The following KDM3B variants were observed in gnomAD, a reference collection of about 807,000 sequenced individuals.
KDM3B encodes lysine demethylase 3B.
Under a neutral mutation model 170.0 loss-of-function variants are expected in KDM3B, and 10 were observed. The ratio of observed to expected loss-of-function variants is 0.06; its 90% CI spans 0.04 to 0.10. KDM3B has a LOEUF of 0.10. KDM3B is among the 10% of genes least tolerant of loss of function. The pLI, the probability that KDM3B is intolerant of heterozygous loss-of-function variation, is 1.00. For synonymous variants in KDM3B, 831 were observed against 834.8 expected (o/e 1.00, Z 0.08); for missense variants, 1,394 against 2,195.2 (o/e 0.64, Z 7.29).
At chr5:138,415,514 T>C (rs1322809290) in intron 12 of KDM3B, among the ~76,000 whole-genome samples, 1 of 152,146 alleles carries the variant, frequency 6.6e-6, no homozygotes, top group Non-Finnish European at 1.5e-5. Context: ...CATAGCTTAC[T>C]GCAGCCTTGA....
chr5:138,364,995 A>G (rs1761709429), intron 1 of KDM3B, among the ~76,000 whole-genome samples: 1 of 152,258 alleles, frequency 6.6e-6, no homozygotes, highest in South Asian at 2.1e-4. Context: ...AAGAAACTGT[A>G]AAGAGAAAAT....
chr5:138,400,862 T>C (rs1002908611), intron 11 of KDM3B, among the ~76,000 whole-genome samples: 5 of 150,978 alleles, frequency 3.3e-5, no homozygotes, highest in African/African-American at 1.2e-4. Flanking sequence ...CGATTCCTCC[T>C]CAGCCCTTGG....
chr5:138,379,858 G>A, intron 5 of KDM3B, 150 bp downstream of exon 5: 1 of 670,900 alleles, frequency 1.5e-6, no homozygotes, highest in Non-Finnish European at 2.3e-6. Context: ...AAAGGCTATT[G>A]AATTTTCTTA....
intron 11 of KDM3B, among the ~76,000 whole-genome samples, chr5:138,412,456 C>A (rs913628500): frequency 6.6e-6 from 1 of 151,964 alleles, no homozygotes; most frequent in East Asian, 1.9e-4. Context: ...GAGTTCAAGA[C>A]CAGCCTAGGC....
intron 1 of KDM3B, among the ~76,000 whole-genome samples, chr5:138,364,425 A>G (rs191191349): frequency 1.3e-3 from 201 of 152,196 alleles, no homozygotes; most frequent in African/African-American, 4.6e-3. Flanking sequence ...TTCGTTGGCT[A>G]TTAAAGTTGT....
At chr5:138,417,404 T>C (rs747592603) in intron 12 of KDM3B, 79 bp from the exon 13 acceptor site, 8 of 1,385,942 alleles carry the variant, frequency 5.8e-6, no homozygotes, top group South Asian at 3.8e-5. Flanking sequence ...AGGGAGATAA[T>C]GTAAAGAACA....
intron 14 of KDM3B, among the ~76,000 whole-genome samples, chr5:138,419,728 TAC>T (rs144047213): frequency 0.09 from 10,926 of 122,026 alleles, 493 homozygotes; most frequent in Non-Finnish European, 0.11. Flanking sequence ...TACACACACA[TAC>T]ACACACACAC....
intron 10 of KDM3B, among the ~76,000 whole-genome samples, chr5:138,399,580 C>T (rs1433623731): frequency 1.3e-5 from 2 of 151,900 alleles, no homozygotes; most frequent in Non-Finnish European, 2.9e-5. Flanking sequence ...CCTTAAGTGA[C>T]AACATGTGGC....
chr5:138,381,698 G>C lies in KDM3B; in HGVS notation c.780+108G>C, dbSNP rs564355518. On this transcript the variant is annotated intron_variant, in intron 6 of 23. Transcript: ENST00000314358. ...CCATGGATGCCTTTTGAGTTGTTCA[G>C]CTTTAGCCACTGTACATTTTTTTGC... 39 of 677,324 alleles carry C rather than the reference G, an allele frequency of 5.8e-5. No individual in the cohort carries two copies. In the South Asian group the frequency reaches 7.4e-4, roughly 13 times the overall value. 42.0% of individuals were successfully genotyped at this position (677,324 alleles called of 1,614,324 possible). A position where few individuals can be genotyped will look rare whatever the true frequency, so the allele number is the denominator to read the frequency against.
At chr5:138,399,328 A>G (rs1580919590) in intron 10 of KDM3B, among the ~76,000 whole-genome samples, 1 of 151,654 alleles carries the variant, frequency 6.6e-6, no homozygotes, top group East Asian at 2.0e-4. Context: ...TCACGAGGTC[A>G]GGAGTTCAAG....
chr5:138,409,031 T>A (rs1384497345), intron 11 of KDM3B, among the ~76,000 whole-genome samples: 2 of 152,146 alleles, frequency 1.3e-5, no homozygotes, highest in African/African-American at 4.8e-5. Context: ...CTTTGGAGAA[T>A]GATAATGAAA....
intron 1 of KDM3B, among the ~76,000 whole-genome samples, chr5:138,365,855 C>T (rs1251747987): frequency 6.6e-6 from 1 of 151,812 alleles, no homozygotes; most frequent in Non-Finnish European, 1.5e-5. Context: ...AAAAATTAGC[C>T]GGGCGTGGTG....
intron 1 of KDM3B, among the ~76,000 whole-genome samples, chr5:138,370,171 G>A (rs1276102383): frequency 6.6e-6 from 1 of 152,182 alleles, no homozygotes; most frequent in East Asian, 1.9e-4. Flanking sequence ...GTACAGTTCA[G>A]TGTTCTGTCC....
intron 1 of KDM3B, among the ~76,000 whole-genome samples, chr5:138,354,459 T>C (rs1404328483): frequency 1.3e-5 from 2 of 152,240 alleles, no homozygotes; most frequent in Non-Finnish European, 2.9e-5. Flanking sequence ...TCCACTATTA[T>C]ATGCATACTT....
In KDM3B at chr5:138,377,680, A is replaced by G. The variant is rs752001437; in HGVS notation, c.475-40A>G. The stretch of plus-strand genomic sequence containing the variant: ...TCAGCTGATTAGATGTTTGCTATTC[A>G]TTTTAACATTCAGTTGTTTTCTTCT... On this transcript the variant is annotated intron_variant, in intron 3 of 23. Transcript: ENST00000314358. 3 of 1,409,074 alleles carry G rather than the reference A, an allele frequency of 2.1e-6. No homozygotes were observed. The Admixed American group carries it at 5.1e-5, about 24-fold the overall frequency. The allele number at this position is 1,409,074 out of a possible 1,614,324, so 87.3% of individuals were successfully genotyped here. A position where few individuals can be genotyped will look rare whatever the true frequency, so the allele number is the denominator to read the frequency against.
At position 138,415,179 on chromosome 5, in the gene KDM3B, G is replaced by A; in HGVS notation, c.3247G>A (p.Ala1083Thr). 1 of 1,611,100 alleles carries A rather than the reference G, an allele frequency of 6.2e-7. No individual in the cohort carries two copies. The highest frequency in any genetic ancestry group is 8.5e-7 in the Non-Finnish European group (1 of 1,177,796). Residue 1083 changes from alanine to threonine, a missense_variant, in exon 12 of 24, where the codon GCA becomes ACA. By Grantham distance (58) the Ala-to-Thr change is moderately conservative. This residue lies in a region of KDM3B where 44 missense variants were observed against 71.1 expected (regional missense o/e 0.62). Transcript: ENST00000314358. The stretch of plus-strand genomic sequence containing the variant: ...AGAAGTTTTCTCCTGGTTGAAGTGT[G>A]CAAAGGGACAGTCCCACGAACCAGA... ...DEEVFSWLKC[A>T]KGQSHEPENL...
chr5:138,393,320 G>A lies in KDM3B; in HGVS notation c.2779G>A (p.Glu927Lys), dbSNP rs780100107. 6.2e-7 allele frequency: 1 copy of A among 1,614,168 alleles called. No homozygotes were observed. Among genetic ancestry groups the A allele is most frequent in the Admixed American group, 1.7e-5 (1 of 60,014 alleles). The change falls in exon 9 of 24, where the codon GAA becomes AAA. Residue 927 changes from glutamate (E) to lysine (K), a missense_variant. By Grantham distance (56) the Glu-to-Lys change is moderately conservative (BLOSUM62 1). This residue lies in a region of KDM3B where 76 missense variants were observed against 190.2 expected (regional missense o/e 0.40). Coordinates refer to ENST00000314358, the MANE Select transcript of KDM3B (RefSeq NM_016604.4). ...CRLERYRKFK[E>K]QEQDDSTVAC... ...CCTGGAGCGGTACCGGAAGTTTAAGGAACAGGAGCAAGATGATTCTACTGT... is the reference window on the plus strand; with the variant it reads ...CCTGGAGCGGTACCGGAAGTTTAAGAAACAGGAGCAAGATGATTCTACTGT...
chr5:138,404,908 T>A (rs1442065139), intron 11 of KDM3B, among the ~76,000 whole-genome samples: 1 of 151,284 alleles, frequency 6.6e-6, no homozygotes, highest in Non-Finnish European at 1.5e-5. Flanking sequence ...TGGGGTTTTT[T>A]ATATTTTTAG....
At chr5:138,362,900 A>G (rs2126910836) in intron 1 of KDM3B, among the ~76,000 whole-genome samples, 1 of 149,642 alleles carries the variant, frequency 6.7e-6, no homozygotes, top group East Asian at 1.9e-4. Context: ...CCCAATAATT[A>G]TTTCTATAAT....
Sources: allele counts gnomAD v4.1 joint callset (sites outside exome capture counted in the v4.1 genomes callset), GRCh38; gene constraint gnomAD v4.1.1; regional missense constraint gnomAD v4.1.1; transcripts MANE v1.5; gene names NCBI Gene and HGNC (gene_info 2026-07-23, HGNC 2026-07-21).